The following PDE3A variants were observed in gnomAD, a reference collection of about 807,000 sequenced individuals.
The protein encoded by PDE3A is phosphodiesterase 3A, also known as cGMP-inhibited 3',5'-cyclic phosphodiesterase 3A.
PDE3A carries 43 observed loss-of-function variants against 98.3 expected under a neutral mutation model. The observed-to-expected ratio is 0.44, with a 90% CI of 0.34 to 0.56. The LOEUF (loss-of-function observed/expected upper bound fraction) is 0.56, where lower values mean the gene tolerates loss of function less well. Among genes scored for constraint, PDE3A ranks in the 20% least tolerant of loss-of-function variants. The pLI, the probability that PDE3A is intolerant of heterozygous loss-of-function variation, is 0.01. For missense variants in PDE3A, 1,427 were observed against 1,440.7 expected (o/e 0.99, Z 0.15); for synonymous variants, 663 against 567.9 (o/e 1.17, Z -2.38).
chr12:20,427,070 A>T (rs967920919), intron 1 of PDE3A, among the ~76,000 whole-genome samples: 13 of 152,232 alleles, frequency 8.5e-5, no homozygotes, highest in Non-Finnish European at 1.8e-4. Flanking sequence ...CATTGGATGA[A>T]GAAGGGACAC....
chr12:20,504,612 A>G (rs1043859494), intron 1 of PDE3A, among the ~76,000 whole-genome samples: 4 of 152,098 alleles, frequency 2.6e-5, no homozygotes, highest in African/African-American at 9.7e-5. Flanking sequence ...TTTCTCAAGT[A>G]TCTGAGAGGG....
chr12:20,376,115 C>A (rs2120517418), intron 1 of PDE3A, among the ~76,000 whole-genome samples: 1 of 151,964 alleles, frequency 6.6e-6, no homozygotes, highest in African/African-American at 2.4e-5. Flanking sequence ...TGTTACACTT[C>A]AAAATAGTAC....
intron 1 of PDE3A, among the ~76,000 whole-genome samples, chr12:20,374,437 A>G (rs1943534682): frequency 1.3e-5 from 2 of 152,102 alleles, no homozygotes. Flanking sequence ...TGTCATGTTA[A>G]TTAAATAAAC....
intron 4 of PDE3A, among the ~76,000 whole-genome samples, chr12:20,616,885 T>A (rs1944021236): frequency 6.6e-6 from 1 of 152,204 alleles, no homozygotes; most frequent in South Asian, 2.1e-4. Context: ...TAAACTTTTC[T>A]GAGGATATTA....
At chr12:20,582,603 G>C (rs1277045507) in intron 2 of PDE3A, among the ~76,000 whole-genome samples, 1 of 151,988 alleles carries the variant, frequency 6.6e-6, no homozygotes, top group African/African-American at 2.4e-5. Flanking sequence ...AATTTAGAAT[G>C]GTTTGTCATC....
intron 1 of PDE3A, chr12:20,551,691 C>G: frequency 6.2e-7 from 1 of 1,611,474 alleles, no homozygotes; most frequent in Non-Finnish European, 8.5e-7. Flanking sequence ...GTGTTCCCAG[C>G]GAGGACGAGT....
Position 20,369,595 on chromosome 12 carries a change from C to T in PDE3A, c.311C>T (p.Ala104Val), listed in dbSNP as rs530583428. ...GCGGCGGCGGAGGAGGAGGAAGCAG[C>T]CCCGGGAGCAGAAGGGGGCGTCTTC... ...EAAAAEEEEA[A>V]PGAEGGVFPG... Residue 104 changes from alanine to valine, a missense_variant, in exon 1 of 16, where the codon GCC (alanine) becomes GTC (valine). Ala to Val is a moderately conservative substitution (Grantham distance 64, BLOSUM62 0). Around this residue, in one of 3 missense-constraint regions of PDE3A, gnomAD observed 1,012 missense variants for 886.5 expected, o/e 1.14. Transcript: ENST00000359062. 33 of 1,562,812 alleles carry T rather than the reference C, an allele frequency of 2.1e-5. No homozygotes were observed. Among genetic ancestry groups the T allele is most frequent in the African/African-American group, 1.9e-4 (14 of 73,900 alleles).
intron 2 of PDE3A, among the ~76,000 whole-genome samples, chr12:20,612,219 G>A (rs1943874708): frequency 6.8e-6 from 1 of 147,412 alleles, no homozygotes; most frequent in South Asian, 2.2e-4. Flanking sequence ...ATGTTGATTT[G>A]CAATTTAATT....
intron 5 of PDE3A, among the ~76,000 whole-genome samples, chr12:20,629,497 TA>T (rs377078451): frequency 6.6e-6 from 1 of 152,304 alleles, no homozygotes; most frequent in African/African-American, 2.4e-5. Flanking sequence ...GGTTAACGTT[TA>T]AAACAATAGC....
chr12:20,665,959 CTTTTTTT>C (rs35859257), intron 15 of PDE3A, among the ~76,000 whole-genome samples: 3 of 94,990 alleles, frequency 3.2e-5, no homozygotes, highest in East Asian at 3.1e-4. Context: ...TTTGTCATTT[CTTTTTTT>C]TTTTTTTTTT....
intron 1 of PDE3A, among the ~76,000 whole-genome samples, chr12:20,504,764 C>G (rs1458214294): frequency 6.6e-6 from 1 of 152,122 alleles, no homozygotes; most frequent in African/African-American, 2.4e-5. Context: ...ATCTTCACGT[C>G]TCTCACTATT....
rs140523661 is a variant in PDE3A at position 20,373,805 on chromosome 12, A to G, written c.960+3561A>G. 4.5e-3 allele frequency among the ~76,000 whole-genome samples: 683 copies of G among 152,278 alleles called. 6 individuals carry two copies. Among genetic ancestry groups the G allele is most frequent in the African/African-American group, 0.016 (652 of 41,572 alleles). The stretch of plus-strand genomic sequence containing the variant: ...CAAGTTTTTCACCACTGATGTGAGA[A>G]AGACACTTTTAGGAGAGAAAGCAAA... On this transcript the variant is annotated intron_variant, in intron 1 of 15. Transcript: ENST00000359062.
chr12:20,390,743 A>C (rs1943897980), intron 1 of PDE3A, among the ~76,000 whole-genome samples: 1 of 151,944 alleles, frequency 6.6e-6, no homozygotes, highest in South Asian at 2.1e-4. Flanking sequence ...TAGTTCACAA[A>C]AAAATATTTT....
Position 20,533,192 on chromosome 12 carries a change from ATT to A in PDE3A, c.961-23462_961-23461del, listed in dbSNP as rs573084178. 7.9e-5 allele frequency among the ~76,000 whole-genome samples: 12 copies of A among 151,928 alleles called. No individual in the cohort carries two copies. In the South Asian group the frequency reaches 2.5e-3, roughly 32 times the overall value. ...CTAGGCCTACCATTAAGGAGTTTGC[ATT>A]TTTTTCAAGATAGTTATTTATAGTA... On this transcript the variant is annotated intron_variant, in intron 1 of 15. Coordinates refer to ENST00000359062, the MANE Select transcript of PDE3A (RefSeq NM_000921.5).
intron 1 of PDE3A, among the ~76,000 whole-genome samples, chr12:20,450,738 C>T (rs555942525): frequency 5.9e-5 from 9 of 152,262 alleles, no homozygotes; most frequent in East Asian, 3.9e-4. Context: ...ATATCAAATA[C>T]GCTGTATGGG....
intron 1 of PDE3A, among the ~76,000 whole-genome samples, chr12:20,478,041 G>T (rs1330901478): frequency 1.3e-5 from 2 of 152,100 alleles, no homozygotes; most frequent in African/African-American, 2.4e-5. Context: ...AATGTGTAAG[G>T]CTTTAAGCTT....
intron 1 of PDE3A, among the ~76,000 whole-genome samples, chr12:20,373,788 TC>T (rs1471345101): frequency 6.6e-6 from 1 of 152,154 alleles, no homozygotes; most frequent in African/African-American, 2.4e-5. Flanking sequence ...GTCAAGTTTT[TC>T]ACCACTGATG....
At chr12:20,475,961 C>T (rs1565561399) in intron 1 of PDE3A, among the ~76,000 whole-genome samples, 1 of 152,142 alleles carries the variant, frequency 6.6e-6, no homozygotes, top group Non-Finnish European at 1.5e-5. Context: ...AAGCCATAAG[C>T]ACAAGAATTG....
chr12:20,487,777 G>T (rs770519243), intron 1 of PDE3A, among the ~76,000 whole-genome samples: 1 of 152,190 alleles, frequency 6.6e-6, no homozygotes, highest in African/African-American at 2.4e-5. Flanking sequence ...TGAGATTGCT[G>T]TCAGTTTCTA....
Sources: allele counts gnomAD v4.1 joint callset (sites outside exome capture counted in the v4.1 genomes callset), GRCh38; gene constraint gnomAD v4.1.1; regional missense constraint gnomAD v4.1.1; transcripts MANE v1.5; gene names NCBI Gene and HGNC (gene_info 2026-07-23, HGNC 2026-07-21).